The following SH2D4A variants were observed in gnomAD, a reference collection of about 807,000 sequenced individuals.
The protein encoded by SH2D4A is SH2 domain containing 4A.
In SH2D4A, 70 loss-of-function variants were observed where a neutral mutation model predicts 64.7. The ratio of observed to expected loss-of-function variants is 1.08; its 90% confidence interval spans 0.89 to 1.32. SH2D4A has a LOEUF of 1.32. Among genes scored for constraint, SH2D4A ranks in the 40% most tolerant of loss-of-function variants. SH2D4A has a pLI of 0.00. For synonymous variants in SH2D4A, 268 were observed against 200.7 expected, an observed-to-expected ratio of 1.34 and a Z score of -2.83; for missense variants, 706 against 540.1, an observed-to-expected ratio of 1.31 and a Z score of -3.04.
chr8:19,384,496 A>G (rs137913909), intron 8 of SH2D4A, among the ~76,000 whole-genome samples: 7 of 152,306 alleles, frequency 4.6e-5, no homozygotes, highest in African/African-American at 1.7e-4. Context: ...TGACCTTCAC[A>G]TGCAATCCTT....
chr8:19,382,179 G>A (rs2053304836), intron 8 of SH2D4A, among the ~76,000 whole-genome samples: 1 of 152,060 alleles, frequency 6.6e-6, no homozygotes, highest in Non-Finnish European at 1.5e-5. Flanking sequence ...TTGCATGGCA[G>A]GTTTAGTGGT....
At chr8:19,348,870 G>C (rs372067315) in intron 4 of SH2D4A, among the ~76,000 whole-genome samples, 1 of 152,108 alleles carries the variant, frequency 6.6e-6, no homozygotes, top group Admixed American at 6.5e-5. Context: ...TAGATACCTC[G>C]TTCCTGGGGT....
chr8:19,384,490 C>A (rs2053350374), intron 8 of SH2D4A, among the ~76,000 whole-genome samples: 1 of 152,204 alleles, frequency 6.6e-6, no homozygotes, highest in Admixed American at 6.5e-5. Context: ...CTGTCTTGAC[C>A]TTCACATGCA....
intron 4 of SH2D4A, 130 bp downstream of exon 4, chr8:19,334,987 C>G (rs1372222604): frequency 1.6e-5 from 18 of 1,107,740 alleles, no homozygotes; most frequent in Non-Finnish European, 2.2e-5. Context: ...TGCCTCCTAA[C>G]TTTAAGATCC....
rs144136685 is a variant in SH2D4A, at chr8:19,389,258, G to A, written c.1049-4060G>A. 9.9e-5 allele frequency among the ~76,000 whole-genome samples: 15 copies of A among 152,226 alleles called. No individual in the cohort carries two copies. The East Asian group carries it at 2.9e-3, about 29-fold the overall frequency. ...TGTTTGAGTTACTTCTGGGCTCTTG[G>A]GTCTGTTTACCATCTCCTATGCAAA... On this transcript the variant is annotated intron_variant, in intron 8 of 9. Coordinates refer to ENST00000265807, the MANE Select transcript of SH2D4A (RefSeq NM_022071.4).
chr8:19,334,269 A>G (rs1585153929), intron 3 of SH2D4A, among the ~76,000 whole-genome samples: 1 of 152,208 alleles, frequency 6.6e-6, no homozygotes, highest in Non-Finnish European at 1.5e-5. Flanking sequence ...AAGGGCTGGG[A>G]TGCTGCCCAC....
At chr8:19,318,363 A>G (rs2052126131) in intron 1 of SH2D4A, among the ~76,000 whole-genome samples, 1 of 152,238 alleles carries the variant, frequency 6.6e-6, no homozygotes. Flanking sequence ...TATGGGACTT[A>G]GAAATTGTTT....
chr8:19,323,181 C>T (rs942930921), intron 2 of SH2D4A, among the ~76,000 whole-genome samples: 1 of 151,974 alleles, frequency 6.6e-6, no homozygotes, highest in Admixed American at 6.6e-5. Flanking sequence ...TCACCACAAG[C>T]CACATGTGGC....
rs762638023 is a variant in SH2D4A, at chr8:19,357,329, T to C, written c.594+46T>C. The C allele has an allele frequency of 2.3e-6, 3 of 1,289,020 alleles. No homozygotes were observed. The Admixed American group carries it at 5.3e-5, about 23-fold the overall frequency. 79.8% of individuals were successfully genotyped at this position (1,289,020 alleles called of 1,614,324 possible). A position where few individuals can be genotyped will look rare whatever the true frequency, so the allele number is the denominator to read the frequency against. On this transcript the variant is annotated intron_variant, in intron 5 of 9. Transcript: ENST00000265807. ...CCTCCGGGGGCTGCATACCTAGGCA[T>C]TTCCACTAATGTTTCACAGATTAGT...
intron 8 of SH2D4A, among the ~76,000 whole-genome samples, chr8:19,392,741 T>G (rs1472664454): frequency 3.3e-5 from 5 of 152,150 alleles, no homozygotes; most frequent in Admixed American, 2.0e-4. Flanking sequence ...TCCTTTTTTT[T>G]TTGTTTTGTT....
intron 4 of SH2D4A, among the ~76,000 whole-genome samples, chr8:19,354,497 T>C (rs1194621657): frequency 6.6e-6 from 1 of 152,202 alleles, no homozygotes; most frequent in East Asian, 1.9e-4. Flanking sequence ...CTGGAGTACG[T>C]GTCTGTGCTT....
At chr8:19,348,747 G>C (rs763024637) in intron 4 of SH2D4A, among the ~76,000 whole-genome samples, 19 of 152,188 alleles carry the variant, frequency 1.2e-4, no homozygotes, top group Non-Finnish European at 2.5e-4. Context: ...TGCGCTTCAG[G>C]TTAAGAGTGA....
intron 8 of SH2D4A, among the ~76,000 whole-genome samples, chr8:19,387,555 T>G (rs935520189): frequency 6.6e-6 from 1 of 152,234 alleles, no homozygotes; most frequent in African/African-American, 2.4e-5. Flanking sequence ...CATCACATGC[T>G]TTTTTATTTT....
intron 8 of SH2D4A, among the ~76,000 whole-genome samples, chr8:19,389,236 T>TTGAG (rs1002485355): frequency 9.8e-5 from 15 of 152,294 alleles, no homozygotes; most frequent in African/African-American, 3.6e-4. Flanking sequence ...CTGCTGGTGT[T>TTGAG]TGAGTTACTT....
intron 4 of SH2D4A, among the ~76,000 whole-genome samples, chr8:19,346,868 T>C (rs928160391): frequency 1.1e-4 from 17 of 152,188 alleles, no homozygotes; most frequent in African/African-American, 3.9e-4. Context: ...CTGGCAAGTA[T>C]GTAGAGCAAT....
chr8:19,378,020 A>C (rs115828825), intron 8 of SH2D4A, among the ~76,000 whole-genome samples: 2,566 of 152,200 alleles, frequency 0.017, 76 homozygotes, highest in African/African-American at 0.058. Context: ...GAATCTTCTT[A>C]TTTTAATTTG....
chr8:19,382,909 C>T (rs992420202), intron 8 of SH2D4A, among the ~76,000 whole-genome samples: 2 of 138,980 alleles, frequency 1.4e-5, no homozygotes, highest in Admixed American at 7.9e-5. Context: ...TGACTCGCTA[C>T]AGCCTTGACC....
At chr8:19,323,154 C>T (rs376870579) in intron 2 of SH2D4A, among the ~76,000 whole-genome samples, 4 of 152,012 alleles carry the variant, frequency 2.6e-5, no homozygotes, top group East Asian at 3.9e-4. Context: ...GGTCTACAGC[C>T]GCACCGTCCA....
chr8:19,331,067 G>C (rs1478367428), intron 2 of SH2D4A, among the ~76,000 whole-genome samples: 2 of 152,140 alleles, frequency 1.3e-5, no homozygotes, highest in African/African-American at 4.8e-5. Flanking sequence ...GTAGTGCAGA[G>C]TCTGAGTCTG....
Sources: gnomAD v4.1 joint callset for allele counts (sites outside exome capture counted in the v4.1 genomes callset) on GRCh38, gnomAD v4.1.1 for gene constraint, MANE v1.5 for transcripts, NCBI Gene and HGNC (gene_info 2026-07-23, HGNC 2026-07-21) for gene names.